The following PCDHA5 variants were observed in gnomAD, a reference collection of about 807,000 sequenced individuals.
The protein encoded by PCDHA5 is protocadherin alpha 5, also known as protocadherin alpha-5.
Under a neutral mutation model 61.6 loss-of-function variants are expected in PCDHA5, and 43 were observed. The observed-to-expected ratio is 0.70, with a 90% CI of 0.55 to 0.90. The LOEUF (loss-of-function observed/expected upper bound fraction) is 0.90, where lower values mean the gene tolerates loss of function less well. PCDHA5 is among the 40% of genes least tolerant of loss of function. PCDHA5 has a pLI of 0.00. For missense variants in PCDHA5, 1,298 were observed against 1,222.7 expected (o/e 1.06, Z -0.92); for synonymous variants, 627 against 543.9 (o/e 1.15, Z -2.13).
chr5:140,910,608 C>A (rs1161072744), intron 1 of PCDHA5, among the ~76,000 whole-genome samples: 3 of 152,208 alleles, frequency 2.0e-5, no homozygotes, highest in Non-Finnish European at 2.9e-5. Context: ...TCTAAACTGA[C>A]TAATCCACTC....
chr5:140,863,022 C>T (rs1339638342), intron 1 of PCDHA5: 3 of 554,506 alleles, frequency 5.4e-6, no homozygotes, highest in Non-Finnish European at 7.1e-6. Flanking sequence ...GCCTGGTTGT[C>T]GCAACAGCTG....
chr5:140,992,097 A>G (rs1466699064), intron 3 of PCDHA5, among the ~76,000 whole-genome samples: 7 of 151,212 alleles, frequency 4.6e-5, no homozygotes, highest in Non-Finnish European at 1.0e-4. Flanking sequence ...GAGAAAGAGA[A>G]TTAAGGTGAG....
chr5:141,009,729 G>A lies in PCDHA5; in HGVS notation c.2603G>A (p.Gly868Asp). 6.2e-7 allele frequency: 1 copy of A among 1,614,168 alleles called. No homozygotes were observed. The highest frequency in any genetic ancestry group is 8.5e-7 in the Non-Finnish European group (1 of 1,180,028). The change falls in exon 4 of 4, where the codon GGT (glycine) becomes GAT (aspartate). Residue 868 changes from glycine to aspartate, a missense_variant. Physicochemically the swap from Gly to Asp is moderately conservative, Grantham distance 94. Transcript: ENST00000529859. ...GGCAACCCCAAACAATCCGGTCCCG[G>A]TGAGTTGCCCGACAAATTCATTATC... ...GPGNPKQSGP[G>D]ELPDKFIIPG...
chr5:140,855,044 T>C lies in PCDHA5; in HGVS notation c.2352+30917T>C, dbSNP rs1055824292. ...TCTTGTATAAAGGATTTTTCTGTAA[T>C]AGTACTTTTCTGTTTTCTTAAATAC... On this transcript the variant is annotated intron_variant, in intron 1 of 3. Coordinates refer to ENST00000529859, the MANE Select transcript of PCDHA5 (RefSeq NM_018908.3). 4.0e-5 allele frequency among the ~76,000 whole-genome samples: 6 copies of C among 149,952 alleles called. 2 individuals carry two copies. The highest frequency in any genetic ancestry group is 8.9e-5 in the Non-Finnish European group (6 of 67,110).
Position 140,857,574 on chromosome 5 carries a change from T to G in PCDHA5, c.2352+33447T>G, listed in dbSNP as rs1452756689. On this transcript the variant is annotated intron_variant, in intron 1 of 3. Coordinates refer to ENST00000529859, the MANE Select transcript of PCDHA5 (RefSeq NM_018908.3). ...CGCTCGCTGTCGAGCTACGTGTCGGTGCACGCGGAGAGCGGCAAGGTGTAC... is the reference window on the plus strand; with the variant it reads ...CGCTCGCTGTCGAGCTACGTGTCGGGGCACGCGGAGAGCGGCAAGGTGTAC... 26 of 1,596,616 alleles carry G rather than the reference T, an allele frequency of 1.6e-5. 3 individuals carry two copies. Among genetic ancestry groups the G allele is most frequent in the Non-Finnish European group, 2.1e-5 (25 of 1,167,676 alleles).
At chr5:140,871,532 T>G in intron 1 of PCDHA5, 1 of 1,515,318 alleles carries the variant, frequency 6.6e-7, no homozygotes, top group Non-Finnish European at 8.8e-7. Flanking sequence ...AGGAAGTGTA[T>G]GTGAAATTAT....
intron 1 of PCDHA5, among the ~76,000 whole-genome samples, chr5:140,892,059 G>A (rs1165045634): frequency 6.6e-6 from 1 of 152,108 alleles, no homozygotes; most frequent in African/African-American, 2.4e-5. Context: ...CAAATTTATT[G>A]TTACTTTGTA....
At chr5:140,831,694 A>G (rs1771669768) in intron 1 of PCDHA5, among the ~76,000 whole-genome samples, 1 of 152,076 alleles carries the variant, frequency 6.6e-6, no homozygotes. Context: ...AAAGCAGCAA[A>G]AAGTAGTGAT....
intron 1 of PCDHA5, among the ~76,000 whole-genome samples, chr5:140,895,167 T>G (rs1289758040): frequency 6.6e-6 from 1 of 152,186 alleles, no homozygotes; most frequent in African/African-American, 2.4e-5. Flanking sequence ...CAATCCAATC[T>G]ATTTGTAGTC....
At chr5:140,969,249 ACAG>A in intron 1 of PCDHA5, 1 of 1,614,240 alleles carries the variant, frequency 6.2e-7, no homozygotes, top group Non-Finnish European at 8.5e-7. Flanking sequence ...GCAGTGACTG[ACAG>A]CAGGAATCTC....
chr5:140,922,098 A>G (rs1193331436), intron 1 of PCDHA5, among the ~76,000 whole-genome samples: 2 of 152,176 alleles, frequency 1.3e-5, no homozygotes, highest in Non-Finnish European at 2.9e-5. Context: ...TCTACCAACT[A>G]TAGATAAATG....
chr5:140,897,178 CA>C (rs1414076017), intron 1 of PCDHA5, among the ~76,000 whole-genome samples: 4 of 151,978 alleles, frequency 2.6e-5, no homozygotes, highest in South Asian at 2.1e-4. Context: ...TCCATGGGTT[CA>C]AAAAATATAT....
At chr5:140,997,456 C>T (rs2097770717) in intron 3 of PCDHA5, among the ~76,000 whole-genome samples, 1 of 152,146 alleles carries the variant, frequency 6.6e-6, no homozygotes, top group African/African-American at 2.4e-5. Context: ...ATACTGAATA[C>T]TGTAGGCAAT....
chr5:140,967,487 G>A lies in PCDHA5; in HGVS notation c.2353-11462G>A, dbSNP rs781929483. 60 of 1,613,172 alleles carry A rather than the reference G, an allele frequency of 3.7e-5. No individual in the cohort carries two copies. The highest frequency in any genetic ancestry group is 5.0e-5 in the Non-Finnish European group (59 of 1,179,674). ...GGGCATCCCAGCCCGCTCGGGTACG[G>A]CACAGATCTCTGTGCGTGTCCTGGA... On this transcript the variant is annotated intron_variant, in intron 1 of 3. Coordinates refer to ENST00000529859, the MANE Select transcript of PCDHA5 (RefSeq NM_018908.3).
rs782000026 is a variant in PCDHA5, at chr5:140,858,227, G to A, written c.2352+34100G>A. 14 of 1,596,370 alleles carry A rather than the reference G, an allele frequency of 8.8e-6. 2 individuals carry two copies. The African/African-American group carries it at 1.9e-4, about 21-fold the overall frequency. On this transcript the variant is annotated intron_variant, in intron 1 of 3. Coordinates refer to ENST00000529859, the MANE Select transcript of PCDHA5 (RefSeq NM_018908.3). Reference sequence around the variant, plus strand: ...ACTGAGGTGCTCGGCGGCGCCCACCGAGGGCGCATGTGGGCCGGTGAAGCC... The same window carrying A: ...ACTGAGGTGCTCGGCGGCGCCCACCAAGGGCGCATGTGGGCCGGTGAAGCC...
intron 1 of PCDHA5, among the ~76,000 whole-genome samples, chr5:140,944,929 CT>C (rs2093712661): frequency 6.6e-6 from 1 of 152,052 alleles, no homozygotes; most frequent in Admixed American, 6.6e-5. Context: ...TGGTTTATGC[CT>C]TCTTTAGATG....
intron 1 of PCDHA5, chr5:140,871,125 G>T (rs1387416665): frequency 6.2e-7 from 1 of 1,613,330 alleles, no homozygotes; most frequent in Non-Finnish European, 8.5e-7. Context: ...GCGGACAGGC[G>T]CCAAAGGCCT....
chr5:140,856,535 G>C (rs782625131), intron 1 of PCDHA5: 1 of 1,598,416 alleles, frequency 6.3e-7, no homozygotes, highest in Non-Finnish European at 8.6e-7. Flanking sequence ...GGATGTTGGA[G>C]AGAACGCATT....
At chr5:140,850,169 G>A in intron 1 of PCDHA5, 2 of 1,594,742 alleles carry the variant, frequency 1.3e-6, no homozygotes, top group Non-Finnish European at 1.7e-6. Flanking sequence ...TGCTGGACGA[G>A]AACGACAATG....
Sources: allele counts gnomAD v4.1 joint callset (sites outside exome capture counted in the v4.1 genomes callset), GRCh38; gene constraint gnomAD v4.1.1; transcripts MANE v1.5; gene names NCBI Gene and HGNC (gene_info 2026-07-23, HGNC 2026-07-21).